CX3CR1: variants seen among roughly 807,000 people sequenced by gnomAD.
The protein encoded by CX3CR1 is CX3C chemokine receptor 1.
For missense variants in CX3CR1, 363 were observed against 432.4 expected, an observed-to-expected ratio of 0.84 and a Z score of 1.42; for synonymous variants, 168 against 178.5, an observed-to-expected ratio of 0.94 and a Z score of 0.47.
chr3:39,270,333 G>A (rs144562421), intron 1 of CX3CR1, among the ~76,000 whole-genome samples: 28 of 152,336 alleles, frequency 1.8e-4, no homozygotes, highest in Non-Finnish European at 4.1e-4. Context: ...ACATGCTCAA[G>A]CAAGTGTGTA....
chr3:39,266,777 T>G, intron 1 of CX3CR1: 1 of 678,574 alleles, frequency 1.5e-6, no homozygotes, highest in South Asian at 1.5e-5. Context: ...TGTGAGCATT[T>G]GGCTCTAGGC....
chr3:39,289,841 G>T, the CX3CR1 span, among the ~76,000 whole-genome samples: 3 of 152,094 alleles, frequency 2.0e-5, no homozygotes, highest in Admixed American at 6.5e-5. Flanking sequence ...AAAGGAGGCG[G>T]CATCTGCAAG....
chr3:39,291,051 ACTTTT>A, the CX3CR1 span, among the ~76,000 whole-genome samples: 428 of 151,138 alleles, frequency 2.8e-3, 3 homozygotes, highest in Non-Finnish European at 4.8e-3. Context: ...TAAATAATTG[ACTTTT>A]CTTTTCTTTT....
At chr3:39,284,244 G>T (rs148946179), upstream of CX3CR1, among the ~76,000 whole-genome samples, 452 of 152,048 alleles carry the variant, frequency 3.0e-3, no homozygotes, top group African/African-American at 0.01. Context: ...AAGTGCTGAG[G>T]TCCGCCTCCT....
rs1575204699 is a variant in CX3CR1, at chr3:39,263,965, T to C, written c.*1477A>G. ...AAACTTTTAGATTGTTCCAAACGTT[T>C]CTAGGGGGGAAAAAAAAGCTGCTCC... On this transcript the variant is annotated 3_prime_UTR_variant, in exon 2 of 2. Transcript: ENST00000399220. 6.6e-6 allele frequency: 1 copy of C among 152,288 alleles called. No homozygotes were observed. The highest frequency in any genetic ancestry group is 2.4e-5 in the African/African-American group (1 of 41,556). The allele number at this position is 152,288 out of a possible 1,614,324, so 9.4% of individuals were successfully genotyped here. A position where few individuals can be genotyped will look rare whatever the true frequency, so the allele number is the denominator to read the frequency against.
upstream of CX3CR1, among the ~76,000 whole-genome samples, chr3:39,285,744 C>T (rs1228006630): frequency 2.0e-5 from 3 of 152,180 alleles, no homozygotes; most frequent in East Asian, 5.8e-4. Context: ...TAAAGTGGAA[C>T]TTACCAATGG....
At chr3:39,274,534 G>A (rs1239087974) in intron 1 of CX3CR1, among the ~76,000 whole-genome samples, 1 of 146,890 alleles carries the variant, frequency 6.8e-6, no homozygotes, top group African/African-American at 2.5e-5. Flanking sequence ...TGGGTTTAGT[G>A]AATTGCCCCT....
intron 1 of CX3CR1, among the ~76,000 whole-genome samples, chr3:39,277,684 A>G (rs1253619106): frequency 6.6e-6 from 1 of 152,178 alleles, no homozygotes; most frequent in Non-Finnish European, 1.5e-5. Flanking sequence ...CCACTGTGCC[A>G]TAGCTGCCTA....
At chr3:39,275,785 G>T (rs143387218) in intron 1 of CX3CR1, among the ~76,000 whole-genome samples, 1 of 152,192 alleles carries the variant, frequency 6.6e-6, no homozygotes, top group Non-Finnish European at 1.5e-5. Context: ...AGAGGCAAAA[G>T]TGTTTAAGAT....
At position 39,275,921 on chromosome 3, in the gene CX3CR1, C is replaced by CAA. The variant is rs5848496; in HGVS notation, c.-10+4031_-10+4032dup. ...GGGGAGGGTGATCAAGAGGATATCA[C>CAA]AAAAAAAAAAAAAAAAATCTGCCGT... is the stretch of plus-strand genomic sequence containing the variant. On this transcript the variant is annotated intron_variant, in intron 1 of 1. Coordinates refer to ENST00000399220, the MANE Select transcript of CX3CR1 (RefSeq NM_001337.4). 2.3e-3 allele frequency among the ~76,000 whole-genome samples: 326 copies of CAA among 140,668 alleles called. 3 individuals carry two copies. Among genetic ancestry groups the CAA allele is most frequent in the Non-Finnish European group, 3.1e-3 (198 of 64,716 alleles). 92.3% of individuals were successfully genotyped at this position (140,668 alleles called of 152,430 possible).
upstream of CX3CR1, chr3:39,281,520 GCA>G: frequency 8.7e-7 from 1 of 1,153,502 alleles, no homozygotes; most frequent in Non-Finnish European, 1.3e-6. Context: ...GTGTTCATGA[GCA>G]CACATCTCTA....
upstream of CX3CR1, among the ~76,000 whole-genome samples, chr3:39,285,631 T>C (rs987909521): frequency 3.3e-5 from 5 of 152,206 alleles, no homozygotes; most frequent in African/African-American, 4.8e-5. Flanking sequence ...AACTTTTGCT[T>C]TGCAATACTT....
chr3:39,283,795 T>TTATATATATATA (rs59133796), upstream of CX3CR1, among the ~76,000 whole-genome samples: 40 of 65,270 alleles, frequency 6.1e-4, 1 homozygote, highest in East Asian at 1.4e-3. Flanking sequence ...AAAAAAAAAA[T>TTATATATATATA]TATATATATA....
the CX3CR1 span, among the ~76,000 whole-genome samples, chr3:39,291,413 C>T: frequency 2.0e-5 from 3 of 149,828 alleles, no homozygotes; most frequent in African/African-American, 7.3e-5. Flanking sequence ...TAGATTCAGT[C>T]ATGTGACCAT....
chr3:39,284,812 G>A (rs2040933602), upstream of CX3CR1, among the ~76,000 whole-genome samples: 1 of 152,222 alleles, frequency 6.6e-6, no homozygotes, highest in Non-Finnish European at 1.5e-5. Context: ...CTGCCCAGAT[G>A]CAGGCAGGGA....
At chr3:39,282,603 A>G (rs2125558198), upstream of CX3CR1, among the ~76,000 whole-genome samples, 1 of 152,288 alleles carries the variant, frequency 6.6e-6, no homozygotes, top group East Asian at 1.9e-4. Flanking sequence ...GTCCCCACCC[A>G]TCACTGCAGG....
At chr3:39,285,212 GAAAAAAAA>G (rs4016656), upstream of CX3CR1, among the ~76,000 whole-genome samples, 6 of 115,620 alleles carry the variant, frequency 5.2e-5, no homozygotes, top group Admixed American at 8.8e-5. Context: ...CATTGGTACA[GAAAAAAAA>G]AAAAAAAAAA....
chr3:39,284,632 T>C (rs747685665), upstream of CX3CR1, among the ~76,000 whole-genome samples: 5 of 152,268 alleles, frequency 3.3e-5, no homozygotes, highest in Non-Finnish European at 5.9e-5. Context: ...CATCAAGGAC[T>C]TCTCCATGCC....
chr3:39,285,540 TC>T (rs1482753902), upstream of CX3CR1, among the ~76,000 whole-genome samples: 5 of 152,186 alleles, frequency 3.3e-5, no homozygotes, highest in African/African-American at 1.2e-4. Flanking sequence ...TAAAAGCACT[TC>T]CCCTTTGGAA....
Sources: gnomAD v4.1 joint callset for allele counts (sites outside exome capture counted in the v4.1 genomes callset) on GRCh38, gnomAD v4.1.1 for gene constraint, MANE v1.5 for transcripts, NCBI Gene and HGNC (gene_info 2026-07-23, HGNC 2026-07-21) for gene names.